The following NKAIN2 variants were observed in gnomAD, a reference collection of about 807,000 sequenced individuals.
NKAIN2 encodes sodium/potassium-transporting ATPase subunit beta-1-interacting protein 2.
Under a neutral mutation model 32.6 loss-of-function variants are expected in NKAIN2, and 14 were observed. The observed-to-expected ratio is 0.43, with a 90% CI of 0.28 to 0.67. The LOEUF is 0.67. Among genes scored for constraint, NKAIN2 ranks in the 30% least tolerant of loss-of-function variants. The pLI, the probability that NKAIN2 is intolerant of heterozygous loss-of-function variation, is 0.17. For synonymous variants in NKAIN2, 80 were observed against 87.2 expected, an observed-to-expected ratio of 0.92 and a Z score of 0.46; for missense variants, 198 against 258.3, an observed-to-expected ratio of 0.77 and a Z score of 1.60.
chr6:124,711,533 T>C (rs1050649375), intron 4 of NKAIN2, among the ~76,000 whole-genome samples: 8 of 151,262 alleles, frequency 5.3e-5, no homozygotes, highest in African/African-American at 1.9e-4. Context: ...TATTCTTTTT[T>C]CTCTAAACTT....
At chr6:123,825,260 G>A (rs1774099536) in intron 1 of NKAIN2, among the ~76,000 whole-genome samples, 2 of 151,990 alleles carry the variant, frequency 1.3e-5, no homozygotes, top group Non-Finnish European at 2.9e-5. Flanking sequence ...GGATTTTGTG[G>A]GGACACAGAC....
chr6:124,815,223 TAC>T (rs1322848079), intron 5 of NKAIN2, among the ~76,000 whole-genome samples: 4 of 103,216 alleles, frequency 3.9e-5, no homozygotes, highest in African/African-American at 2.1e-4. Flanking sequence ...ACTATATATA[TAC>T]ATATATATAT....
chr6:124,080,748 C>A (rs946401059), intron 1 of NKAIN2, among the ~76,000 whole-genome samples: 2 of 151,988 alleles, frequency 1.3e-5, no homozygotes, highest in African/African-American at 2.4e-5. Flanking sequence ...TCCCCCCCTC[C>A]AAGATCTTTA....
chr6:124,413,739 T>C (rs1169887851), intron 3 of NKAIN2, among the ~76,000 whole-genome samples: 2 of 152,204 alleles, frequency 1.3e-5, no homozygotes, highest in Non-Finnish European at 2.9e-5. Context: ...ATGGAAAATA[T>C]ACATATCTTT....
intron 3 of NKAIN2, among the ~76,000 whole-genome samples, chr6:124,446,437 G>A (rs759320258): frequency 8.6e-5 from 13 of 151,988 alleles, no homozygotes; most frequent in Non-Finnish European, 1.5e-4. Flanking sequence ...CGAATTCCTG[G>A]GCTCAAGTGA....
chr6:123,910,680 T>A (rs1192831692), intron 1 of NKAIN2, among the ~76,000 whole-genome samples: 4 of 151,582 alleles, frequency 2.6e-5, no homozygotes, highest in African/African-American at 4.9e-5. Flanking sequence ...TAATTTTTGT[T>A]TTTTTAGTAG....
At chr6:124,555,337 C>CTGAA (rs67993684) in intron 3 of NKAIN2, among the ~76,000 whole-genome samples, 1 of 11,842 alleles carries the variant, frequency 8.4e-5, no homozygotes, top group Non-Finnish European at 2.1e-4. Flanking sequence ...TGACAGCCTC[C>CTGAA]TGACTGTGTC....
At chr6:124,627,357 A>C (rs1221878715) in intron 3 of NKAIN2, among the ~76,000 whole-genome samples, 4 of 152,172 alleles carry the variant, frequency 2.6e-5, no homozygotes, top group Non-Finnish European at 5.9e-5. Context: ...AAGAGGTGAT[A>C]AAACAAATCA....
intron 1 of NKAIN2, among the ~76,000 whole-genome samples, chr6:123,831,071 A>G (rs185044360): frequency 6.6e-6 from 1 of 152,336 alleles, no homozygotes; most frequent in African/African-American, 2.4e-5. Context: ...AAGACTAAAA[A>G]TGAATTAGTT....
intron 4 of NKAIN2, among the ~76,000 whole-genome samples, chr6:124,681,321 A>G: frequency 6.6e-6 from 1 of 151,920 alleles, no homozygotes; most frequent in Admixed American, 6.6e-5. Context: ...TATCCTTTCT[A>G]CCTCCCACTA....
chr6:124,544,485 G>A (rs904878062), intron 3 of NKAIN2, among the ~76,000 whole-genome samples: 15 of 152,060 alleles, frequency 9.9e-5, no homozygotes, highest in Admixed American at 9.8e-4. Context: ...TAAATGTGGA[G>A]CTTTTGAAAA....
intron 1 of NKAIN2, among the ~76,000 whole-genome samples, chr6:124,085,690 T>C (rs1447404661): frequency 6.6e-6 from 1 of 151,990 alleles, no homozygotes; most frequent in Non-Finnish European, 1.5e-5. Flanking sequence ...CTATTTTAGA[T>C]GCTTCTGATA....
intron 4 of NKAIN2, among the ~76,000 whole-genome samples, chr6:124,709,004 A>G (rs1296703007): frequency 7.0e-6 from 1 of 143,310 alleles, no homozygotes; most frequent in Admixed American, 7.0e-5. Context: ...TGATTTTGAG[A>G]TACGTCCCGT....
At chr6:124,668,497 C>G (rs1375774306) in intron 4 of NKAIN2, among the ~76,000 whole-genome samples, 4 of 152,096 alleles carry the variant, frequency 2.6e-5, no homozygotes, top group African/African-American at 4.8e-5. Context: ...TTCCCTACCC[C>G]CTGTTCCATA....
At chr6:124,390,599 G>C (rs1773098936) in intron 3 of NKAIN2, 1 of 152,146 alleles carries the variant, frequency 6.6e-6, no homozygotes. Context: ...AGAGTTCAAA[G>C]AAATATTGAC....
chr6:123,945,105 G>T (rs543640410), intron 1 of NKAIN2, among the ~76,000 whole-genome samples: 1 of 152,022 alleles, frequency 6.6e-6, no homozygotes, highest in African/African-American at 2.4e-5. Flanking sequence ...AGATGATAAG[G>T]CACTCACATT....
intron 1 of NKAIN2, among the ~76,000 whole-genome samples, chr6:124,146,531 T>C (rs977744885): frequency 2.6e-5 from 4 of 152,122 alleles, no homozygotes; most frequent in Non-Finnish European, 5.9e-5. Context: ...TACTCCCAGG[T>C]TTATACCCTA....
At chr6:124,350,996 TA>T (rs569143642) in intron 2 of NKAIN2, among the ~76,000 whole-genome samples, 47 of 152,112 alleles carry the variant, frequency 3.1e-4, no homozygotes, top group Admixed American at 2.8e-3. Context: ...CTCTAAAAAG[TA>T]AATAAATAAA....
intron 3 of NKAIN2, among the ~76,000 whole-genome samples, chr6:124,632,854 A>G (rs1583555142): frequency 6.6e-6 from 1 of 152,218 alleles, no homozygotes; most frequent in Admixed American, 6.5e-5. Flanking sequence ...AAGTACAACT[A>G]AAATATCTTT....
Sources: allele counts gnomAD v4.1 joint callset (sites outside exome capture counted in the v4.1 genomes callset), GRCh38; gene constraint gnomAD v4.1.1; transcripts MANE v1.5; gene names NCBI Gene and HGNC (gene_info 2026-07-23, HGNC 2026-07-21).